Variants in PCDHGA10 observed in about 807,000 individuals in gnomAD.
PCDHGA10 encodes protocadherin gamma-A10.
Under a neutral mutation model 59.5 loss-of-function variants are expected in PCDHGA10, and 42 were observed. The observed-to-expected ratio is 0.71, with a 90% CI of 0.55 to 0.91. The LOEUF (loss-of-function observed/expected upper bound fraction) is 0.91, where lower values mean the gene tolerates loss of function less well. PCDHGA10 is among the 40% of genes least tolerant of loss of function. PCDHGA10 has a pLI of 0.00. For missense variants in PCDHGA10, 1,111 were observed against 1,198.2 expected, an observed-to-expected ratio of 0.93 and a Z score of 1.07; for synonymous variants, 511 against 517.2, an observed-to-expected ratio of 0.99 and a Z score of 0.16.
chr5:141,417,792 T>C, intron 1 of PCDHGA10: 1 of 1,483,216 alleles, frequency 6.7e-7, no homozygotes, highest in South Asian at 1.4e-5. Flanking sequence ...CCGAATGCTC[T>C]TTTAGCGCGG....
In PCDHGA10 at chr5:141,432,785, G is replaced by A. The variant is rs1356593437; in HGVS notation, c.2436+17174G>A. 2.5e-6 allele frequency: 4 copies of A among 1,613,992 alleles called. No individual in the cohort carries two copies. The African/African-American group carries it at 4.0e-5, about 16-fold the overall frequency. On this transcript the variant is annotated intron_variant, in intron 1 of 3. Transcript: ENST00000398610. The surrounding 1 kb of genome is among the most constrained non-coding windows in gnomAD (Gnocchi z 6.0). ...CATCCCCCAAGTCCTGGCGGACCTC[G>A]GCAGCCTCGAGTCTCCAGCTAACTC...
At chr5:141,488,660 G>A (rs1274725688) in intron 1 of PCDHGA10, among the ~76,000 whole-genome samples, 1 of 152,148 alleles carries the variant, frequency 6.6e-6, no homozygotes, top group East Asian at 1.9e-4. Flanking sequence ...GGGAGGGTGG[G>A]GGAATACATG....
At chr5:141,455,920 C>A (rs941360102) in intron 1 of PCDHGA10, among the ~76,000 whole-genome samples, 1 of 147,944 alleles carries the variant, frequency 6.8e-6, no homozygotes, top group Non-Finnish European at 1.5e-5. Flanking sequence ...TATTTTGAGA[C>A]GGAGTCTCGC....
intron 3 of PCDHGA10, among the ~76,000 whole-genome samples, chr5:141,510,266 C>T (rs1202092142): frequency 7.0e-6 from 1 of 143,198 alleles, no homozygotes; most frequent in Non-Finnish European, 1.5e-5. Flanking sequence ...GAGCAGGACT[C>T]CATCTTAAAA....
Position 141,432,668 on chromosome 5 carries a change from G to C in PCDHGA10, c.2436+17057G>C, listed in dbSNP as rs1202414814. 2.5e-6 allele frequency: 4 copies of C among 1,613,742 alleles called. No individual in the cohort carries two copies. The highest frequency in any genetic ancestry group is 2.2e-5 in the South Asian group (2 of 91,068). On this transcript the variant is annotated intron_variant, in intron 1 of 3. Coordinates refer to ENST00000398610, the MANE Select transcript of PCDHGA10 (RefSeq NM_018913.3). This position sits in a 1 kb window ranked among gnomAD's most constrained non-coding sequence, Gnocchi z 6.0. The stretch of plus-strand genomic sequence containing the variant: ...GGCGCGAGCCCTGCTGGACAGAGAC[G>C]CGCTCAAGCAGAGCCTCGTAGTGGC...
At chr5:141,421,974 C>T in intron 1 of PCDHGA10, 3 of 1,609,644 alleles carry the variant, frequency 1.9e-6, no homozygotes, top group African/African-American at 1.3e-5. Flanking sequence ...CCGTATATCG[C>T]GTGAGTGTTC....
chr5:141,490,345 G>GT lies in PCDHGA10; in HGVS notation c.2437-4461dup, dbSNP rs1363310763. The GT allele has an allele frequency of 6.2e-7, 1 of 1,614,216 alleles. No individual in the cohort carries two copies. The highest frequency in any genetic ancestry group is 2.2e-5 in the East Asian group (1 of 44,886). ...AGAGAGCACACCAGTGGGCACAGTAGTGGGGTTGTTTAATGTGCGAGACCG... is the reference window on the plus strand; with the variant it reads ...AGAGAGCACACCAGTGGGCACAGTAGTTGGGGTTGTTTAATGTGCGAGACCG... On this transcript the variant is annotated intron_variant, in intron 1 of 3. Transcript: ENST00000398610. This position sits in a 1 kb window ranked among gnomAD's most constrained non-coding sequence, Gnocchi z 5.4.
At chr5:141,506,993 C>T (rs781663602) in intron 3 of PCDHGA10, 18 of 152,184 alleles carry the variant, frequency 1.2e-4, no homozygotes, top group Non-Finnish European at 1.8e-4. Context: ...TTCTCACACT[C>T]GACAGATGAG....
intron 1 of PCDHGA10, chr5:141,420,034 C>T (rs373590502): frequency 7.8e-5 from 126 of 1,613,970 alleles, no homozygotes; most frequent in Non-Finnish European, 9.3e-5. Context: ...CTGCAGGAGA[C>T]TGCTTTGAGT....
In PCDHGA10 at chr5:141,486,005, A is replaced by G. The variant is rs1057476811; in HGVS notation, c.2437-8802A>G. On this transcript the variant is annotated intron_variant, in intron 1 of 3. Transcript: ENST00000398610. This position sits in a 1 kb window ranked among gnomAD's most constrained non-coding sequence, Gnocchi z 5.0. Reference sequence around the variant, plus strand: ...GGACCTGGGTCCCAGTGGTAACGTCACCTTTTATTTCAGTGGTCATACCCC... The same window carrying G: ...GGACCTGGGTCCCAGTGGTAACGTCGCCTTTTATTTCAGTGGTCATACCCC... 1.9e-6 allele frequency: 3 copies of G among 1,613,936 alleles called. No homozygotes were observed. The Admixed American group carries it at 5.0e-5, about 27-fold the overall frequency.
chr5:141,447,301 G>A (rs557269538), intron 1 of PCDHGA10, among the ~76,000 whole-genome samples: 39 of 152,060 alleles, frequency 2.6e-4, no homozygotes, highest in Non-Finnish European at 1.5e-4. Flanking sequence ...CACCACACCC[G>A]GCTAATTTTT....
intron 1 of PCDHGA10, chr5:141,428,501 C>A (rs970043746): frequency 8.4e-5 from 24 of 285,544 alleles, no homozygotes; most frequent in African/African-American, 3.9e-4. Context: ...TATGTTCCCT[C>A]GGATTCTAGA....
chr5:141,464,200 G>C (rs1331779739), intron 1 of PCDHGA10, among the ~76,000 whole-genome samples: 1 of 149,856 alleles, frequency 6.7e-6, no homozygotes, highest in Non-Finnish European at 1.5e-5. Flanking sequence ...AGGAGGCGGA[G>C]ATTGCAGTGA....
At chr5:141,423,360 G>A (rs762976655) in intron 1 of PCDHGA10, 1 of 1,614,224 alleles carries the variant, frequency 6.2e-7, no homozygotes, top group Non-Finnish European at 8.5e-7. Context: ...TTGTCATCGT[G>A]CTGCTGGCAC....
chr5:141,474,244 A>G (rs910247549), intron 1 of PCDHGA10, among the ~76,000 whole-genome samples: 26 of 152,270 alleles, frequency 1.7e-4, no homozygotes, highest in Non-Finnish European at 3.2e-4. Context: ...TGAATAGGGG[A>G]AAAAAAGACT....
intron 1 of PCDHGA10, among the ~76,000 whole-genome samples, chr5:141,480,615 AT>A (rs1279544819): frequency 2.0e-5 from 3 of 152,218 alleles, no homozygotes; most frequent in African/African-American, 7.2e-5. Context: ...AGCAACTGGC[AT>A]TTTCCCTAGA....
chr5:141,421,515 C>A, intron 1 of PCDHGA10: 3 of 1,614,080 alleles, frequency 1.9e-6, no homozygotes, highest in Non-Finnish European at 2.5e-6. Context: ...GGGAGGAGCT[C>A]TGTGAGACGG....
In PCDHGA10 at chr5:141,415,390, G is replaced by A. The variant is rs1191160575; in HGVS notation, c.2215G>A (p.Val739Met). ...GGCTTCAGGAGGCGGCTTGACAGGT[G>A]TGTCCGGCTCGCACTTTGTGGGCGT... is the stretch of plus-strand genomic sequence containing the variant. Reference protein sequence around the residue: ...LQASGGGLTGVSGSHFVGVDG... With the variant: ...LQASGGGLTGMSGSHFVGVDG... The change falls in exon 1 of 4, where the codon GTG (valine) becomes ATG (methionine). Residue 739 changes from valine (V) to methionine (M), a missense_variant. By Grantham distance (21) the Val-to-Met change is conservative. Transcript: ENST00000398610. The A allele has an allele frequency of 1.2e-6, 2 of 1,614,224 alleles. No homozygotes were observed. The highest frequency in any genetic ancestry group is 2.2e-5 in the South Asian group (2 of 91,090).
At chr5:141,440,399 A>T (rs1215824479) in intron 1 of PCDHGA10, 1 of 152,164 alleles carries the variant, frequency 6.6e-6, no homozygotes, top group Non-Finnish European at 1.5e-5. Context: ...CCGAGAGGCA[A>T]TCGCACCACT....
Sources: allele counts gnomAD v4.1 joint callset (sites outside exome capture counted in the v4.1 genomes callset), GRCh38; gene constraint gnomAD v4.1.1; non-coding constraint Gnocchi (gnomAD v3.1); transcripts MANE v1.5; gene names NCBI Gene and HGNC (gene_info 2026-07-23, HGNC 2026-07-21).